ZFYVE16: variants seen among roughly 807,000 people sequenced by gnomAD.
ZFYVE16 encodes zinc finger FYVE domain-containing protein 16.
In ZFYVE16, 89 loss-of-function variants were observed where a neutral mutation model predicts 138.1. That is an observed-to-expected ratio of 0.64 (90% CI 0.54 to 0.77). The LOEUF (loss-of-function observed/expected upper bound fraction) is 0.77, where lower values mean the gene tolerates loss of function less well. Ranked by LOEUF, ZFYVE16 falls within the 30% of genes least tolerant of loss-of-function variation. The probability of loss-of-function intolerance (pLI) is 0.00; values close to 1 mark genes in which losing one functional copy is unlikely to be tolerated. For synonymous variants in ZFYVE16, 596 were observed against 618.3 expected (o/e 0.96, Z 0.53); for missense variants, 1,793 against 1,786.7 (o/e 1.00, Z -0.06).
chr5:80,419,411 G>A (rs1044453584), intron 1 of ZFYVE16, among the ~76,000 whole-genome samples: 1 of 152,006 alleles, frequency 6.6e-6, no homozygotes, highest in African/African-American at 2.4e-5. Context: ...ATTGATCTAC[G>A]TGTCTGTTCT....
At chr5:80,412,161 C>T (rs143516590) in intron 1 of ZFYVE16, among the ~76,000 whole-genome samples, 1 of 152,224 alleles carries the variant, frequency 6.6e-6, no homozygotes, top group East Asian at 1.9e-4. Flanking sequence ...AGGCCTTCAT[C>T]TCTTACCTTA....
intron 1 of ZFYVE16, among the ~76,000 whole-genome samples, chr5:80,416,344 C>T (rs1458124519): frequency 6.7e-6 from 1 of 149,662 alleles, no homozygotes; most frequent in Non-Finnish European, 1.5e-5. Flanking sequence ...CAACCTCCGC[C>T]TCCTGGGTTC....
At chr5:80,457,643 C>T (rs1172161698) in intron 14 of ZFYVE16, among the ~76,000 whole-genome samples, 3 of 152,030 alleles carry the variant, frequency 2.0e-5, no homozygotes, top group Non-Finnish European at 4.4e-5. Flanking sequence ...TTAAAATAGT[C>T]CAACATTCTG....
chr5:80,457,203 A>G, intron 14 of ZFYVE16, 111 bp downstream of exon 14: 1 of 1,424,172 alleles, frequency 7.0e-7, no homozygotes, highest in Non-Finnish European at 9.4e-7. Context: ...GTTGGTGATA[A>G]AACAATATGT....
intron 18 of ZFYVE16, 55 bp downstream of exon 18, chr5:80,474,885 G>A: frequency 6.5e-7 from 1 of 1,544,348 alleles, no homozygotes; most frequent in Non-Finnish European, 8.7e-7. Flanking sequence ...ATATTAACAA[G>A]TTTTTCTTCA....
At chr5:80,418,596 G>A (rs1746607088) in intron 1 of ZFYVE16, among the ~76,000 whole-genome samples, 1 of 152,056 alleles carries the variant, frequency 6.6e-6, no homozygotes, top group Non-Finnish European at 1.5e-5. Context: ...TTACAGGTGT[G>A]AGCCACTGTG....
rs1260621669 is a variant in ZFYVE16 at position 80,479,579 on chromosome 5, G to A, written c.*2202G>A. Among the ~76,000 whole-genome samples, 1 of 152,028 alleles carries A rather than the reference G, an allele frequency of 6.6e-6. No homozygotes were observed. The highest frequency in any genetic ancestry group is 1.5e-5 in the Non-Finnish European group (1 of 68,006). ...CTGTAGGAGCAAAGATTCAATTGTG[G>A]GAAACTACTTGTTTCTGAAAATTGC... On this transcript the variant is annotated 3_prime_UTR_variant, in exon 19 of 19. Transcript: ENST00000505560.
rs375590238 is a variant in ZFYVE16, at chr5:80,438,199, G to A, written c.1514G>A (p.Ser505Asn). Residue 505 changes from serine to asparagine, a missense_variant, in exon 4 of 19, where the codon AGC becomes AAC. Ser to Asn is a conservative substitution (Grantham distance 46). Coordinates refer to ENST00000505560, the MANE Select transcript of ZFYVE16 (RefSeq NM_001284236.3). ...CCEGFINTFSSNDMDGQDLDY... is the reference protein window; with the variant it reads ...CCEGFINTFSNNDMDGQDLDY... ...GAAGGTTTTATTAATACTTTTTCAAGCAATGATATGGATGGGCAAGACTTA... is the reference window on the plus strand; with the variant it reads ...GAAGGTTTTATTAATACTTTTTCAAACAATGATATGGATGGGCAAGACTTA... The A allele has an allele frequency of 1.2e-6, 2 of 1,613,938 alleles. No homozygotes were observed. Among genetic ancestry groups the A allele is most frequent in the Middle Eastern group, 1.6e-4 (1 of 6,062 alleles).
chr5:80,419,590 G>T (rs952405158), intron 1 of ZFYVE16, among the ~76,000 whole-genome samples: 1 of 151,612 alleles, frequency 6.6e-6, no homozygotes, highest in Non-Finnish European at 1.5e-5. Context: ...TGTTGGCCAG[G>T]CTGGTCTCGA....
intron 15 of ZFYVE16, among the ~76,000 whole-genome samples, chr5:80,469,807 A>G (rs1336076304): frequency 1.9e-5 from 1 of 52,808 alleles, no homozygotes; most frequent in Non-Finnish European, 7.9e-5. Context: ...ATGTTCTCCA[A>G]TTATTTTTTT....
chr5:80,439,949 T>C lies in ZFYVE16; in HGVS notation c.2336T>C (p.Val779Ala), dbSNP rs564485410. ...TATTCTTTATAGGTATTTTGTGGTG[T>C]CTGTTGTAATAGGAAGTGTAAACTG... is the stretch of plus-strand genomic sequence containing the variant. ...CRACGKVFCG[V>A]CCNRKCKLQY... The change falls in exon 5 of 19, where the codon GTC becomes GCC. Residue 779 changes from valine to alanine, a missense_variant. This residue lies in a region of ZFYVE16 where 1,295 missense variants were observed against 1,204.3 expected (regional missense o/e 1.08). Transcript: ENST00000505560. The C allele has an allele frequency of 1.2e-6, 2 of 1,608,272 alleles. No homozygotes were observed. Among genetic ancestry groups the C allele is most frequent in the African/African-American group, 1.3e-5 (1 of 74,820 alleles).
chr5:80,475,551 G>T (rs747071355), intron 18 of ZFYVE16, among the ~76,000 whole-genome samples: 1 of 151,980 alleles, frequency 6.6e-6, no homozygotes, highest in African/African-American at 2.4e-5. Flanking sequence ...CATTTCTTAC[G>T]TATTCTTTGT....
chr5:80,477,086 T>G, intron 18 of ZFYVE16, 133 bp from the exon 19 acceptor site: 1 of 727,262 alleles, frequency 1.4e-6, no homozygotes, highest in Non-Finnish European at 2.0e-6. Flanking sequence ...ATGTAGAATT[T>G]TTTTATAAAT....
chr5:80,438,832 C>A lies in ZFYVE16; in HGVS notation c.2147C>A (p.Ser716Tyr). 1 of 1,614,080 alleles carries A rather than the reference C, an allele frequency of 6.2e-7. No homozygotes were observed. The highest frequency in any genetic ancestry group is 8.5e-7 in the Non-Finnish European group (1 of 1,179,970). ...ATAGAAAGTAATTCTGAAGGTGGAT[C>A]TAGTTTCGTAACTGCAAATGAAGAT... The part of the protein sequence containing the change: ...IDIESNSEGG[S>Y]SFVTANEDSV... Residue 716 changes from serine to tyrosine, a missense_variant, in exon 4 of 19, where the codon TCT becomes TAT. Physicochemically the swap from Ser to Tyr is moderately radical, Grantham distance 144. Around this residue, in one of 2 missense-constraint regions of ZFYVE16, gnomAD observed 1,295 missense variants for 1,204.3 expected, o/e 1.08. Transcript: ENST00000505560.
rs564463951 is a variant in ZFYVE16, at chr5:80,436,227, C to T, written c.71-529C>T. On this transcript the variant is annotated intron_variant, in intron 3 of 18. Transcript: ENST00000505560. Reference sequence around the variant, plus strand: ...CACATGCCCATCACCGTGGCCATAGCGTGTGATGCTACTACAATTGGCAAC... The same window carrying T: ...CACATGCCCATCACCGTGGCCATAGTGTGTGATGCTACTACAATTGGCAAC... 2.3e-4 allele frequency among the ~76,000 whole-genome samples: 35 copies of T among 152,276 alleles called. 1 individual carries two copies. Among genetic ancestry groups the T allele is most frequent in the Non-Finnish European group, 3.4e-4 (23 of 68,022 alleles).
chr5:80,430,313 A>G (rs1455776548), intron 2 of ZFYVE16, among the ~76,000 whole-genome samples: 1 of 151,888 alleles, frequency 6.6e-6, no homozygotes, highest in Non-Finnish European at 1.5e-5. Context: ...CTACATGGAA[A>G]CTGAACAACC....
chr5:80,408,750 T>C (rs2544591), intron 1 of ZFYVE16, among the ~76,000 whole-genome samples: 130,925 of 152,280 alleles, frequency 0.86, 57,440 homozygotes, highest in Non-Finnish European at 0.94. Context: ...ATTTGTACTA[T>C]CGTGATTGCA....
chr5:80,446,956 G>A (rs925320312), intron 7 of ZFYVE16, among the ~76,000 whole-genome samples: 1 of 152,000 alleles, frequency 6.6e-6, no homozygotes, highest in Admixed American at 6.6e-5. Context: ...TTCTGGGTAC[G>A]TATATTAGAA....
chr5:80,473,667 C>T, intron 16 of ZFYVE16, 87 bp from the exon 17 acceptor site: 3 of 841,806 alleles, frequency 3.6e-6, no homozygotes, highest in Non-Finnish European at 5.3e-6. Flanking sequence ...TATATTTTTT[C>T]CCTCATTCCA....
Sources: gnomAD v4.1 joint callset for allele counts (sites outside exome capture counted in the v4.1 genomes callset) on GRCh38, gnomAD v4.1.1 for gene constraint, gnomAD v4.1.1 regional missense constraint, MANE v1.5 for transcripts, NCBI Gene and HGNC (gene_info 2026-07-23, HGNC 2026-07-21) for gene names.